Variants in GPN2 observed in about 807,000 individuals in gnomAD.
GPN2 encodes GPN-loop GTPase 2, also known as ATP-binding domain 1 family member B.
GPN2 carries 27 observed loss-of-function variants against 30.1 expected under a neutral mutation model. The observed-to-expected ratio is 0.90, with a 90% confidence interval of 0.66 to 1.24. GPN2 has a LOEUF of 1.24. Among genes scored for constraint, GPN2 ranks in the 50% most tolerant of loss-of-function variants. The pLI, the probability that GPN2 is intolerant of heterozygous loss-of-function variation, is 0.00. For synonymous variants in GPN2, 212 were observed against 174.4 expected, an observed-to-expected ratio of 1.22 and a Z score of -1.70; for missense variants, 406 against 405.4, an observed-to-expected ratio of 1.00 and a Z score of -0.01.
At position 26,884,307 on chromosome 1, in the gene GPN2, GA is replaced by G. The variant is rs2081880215; in HGVS notation, c.730-18del. 5 of 1,596,452 alleles carry G rather than the reference GA, an allele frequency of 3.1e-6. No individual in the cohort carries two copies. Among genetic ancestry groups the G allele is most frequent in the Non-Finnish European group, 8.5e-7 (1 of 1,175,180 alleles). On this transcript the variant is annotated intron_variant, in intron 3 of 4. Transcript: ENST00000374135. The stretch of plus-strand genomic sequence containing the variant: ...CTCCTTGTCCTGAGCAGGGAGGAGA[GA>G]AACAGTTCTGTGAGTGAAACAGAAG...
chr1:26,889,950 G>A lies in GPN2; in HGVS notation c.147C>T (p.Asn49=). The change falls in exon 1 of 5, where the codon AAC becomes AAT. Residue 49 remains asparagine, a synonymous_variant. Transcript: ENST00000374135. The stretch of plus-strand genomic sequence containing the variant: ...CGGCACACTCGTACGGCAGCCCCTC[G>A]TTGGCCGGGTCCAGGTTCACCACCG... ...RVAVVNLDPA[N]EGLPYECAVD... 6.2e-7 allele frequency: 1 copy of A among 1,607,398 alleles called. No homozygotes were observed. Among genetic ancestry groups the A allele is most frequent in the Non-Finnish European group, 8.5e-7 (1 of 1,179,236 alleles).
intron 1 of GPN2, among the ~76,000 whole-genome samples, 156 bp from the exon 2 acceptor site, chr1:26,889,281 A>G (rs566258313): frequency 6.6e-6 from 1 of 152,250 alleles, no homozygotes; most frequent in East Asian, 1.9e-4. Context: ...TCTCCCAGGA[A>G]ATAGGAGTCA....
intron 1 of GPN2, 96 bp downstream of exon 1, chr1:26,889,590 G>T: frequency 8.1e-7 from 1 of 1,236,522 alleles, no homozygotes; most frequent in Non-Finnish European, 1.1e-6. Context: ...AAGCGACCCA[G>T]CCCCTACCTC....
At position 26,879,528 on chromosome 1, in the gene GPN2, C is replaced by T; in HGVS notation, c.*149G>A. On this transcript the variant is annotated 3_prime_UTR_variant, in exon 5 of 5. Coordinates refer to ENST00000374135, the MANE Select transcript of GPN2 (RefSeq NM_018066.4). ...TTGGCACCATGTCTGGCTTTTTGGC[C>T]AGAAGTCCTTTGCAGAGCTGAATAT... is the stretch of plus-strand genomic sequence containing the variant. 1.5e-6 allele frequency: 1 copy of T among 646,520 alleles called. No individual in the cohort carries two copies. The highest frequency in any genetic ancestry group is 2.8e-6 in the Non-Finnish European group (1 of 353,406). 40.0% of individuals were successfully genotyped at this position (646,520 alleles called of 1,614,324 possible).
chr1:26,884,087 T>C, intron 4 of GPN2, 73 bp downstream of exon 4: 1 of 1,215,334 alleles, frequency 8.2e-7, no homozygotes, highest in Non-Finnish European at 1.2e-6. Flanking sequence ...GGTTGATGAC[T>C]GCACCTCCTG....
In GPN2 at chr1:26,879,489, G is replaced by C. The variant is rs1452130396; in HGVS notation, c.*188C>G. On this transcript the variant is annotated 3_prime_UTR_variant, in exon 5 of 5. Transcript: ENST00000374135. The stretch of plus-strand genomic sequence containing the variant: ...AGCTCACGGACACCACTGACAGTAT[G>C]GGGGGTGTTCTGCTTGGCACCATGT... 3 of 604,964 alleles carry C rather than the reference G, an allele frequency of 5.0e-6. No individual in the cohort carries two copies. Among genetic ancestry groups the C allele is most frequent in the Non-Finnish European group, 9.0e-6 (3 of 331,820 alleles). The allele number at this position is 604,964 out of a possible 1,614,324, so 37.5% of individuals were successfully genotyped here.
chr1:26,887,928 G>A (rs541625307), intron 2 of GPN2, among the ~76,000 whole-genome samples: 5 of 149,886 alleles, frequency 3.3e-5, no homozygotes, highest in African/African-American at 9.8e-5. Flanking sequence ...GCGAGATCTC[G>A]GCTCACTACA....
In GPN2 at chr1:26,889,133, G is replaced by A. The variant is rs751549560; in HGVS notation, c.412-8C>T. On this transcript the variant is annotated splice_polypyrimidine_tract_variant and splice_region_variant and intron_variant, in intron 1 of 4. Transcript: ENST00000374135. ...GAGGTGGACGGCAGTCAGCTGGGAG[G>A]GAATAGACAGGGTGAGAGTGGCCTG... 8 of 1,611,574 alleles carry A rather than the reference G, an allele frequency of 5.0e-6. No homozygotes were observed. In the South Asian group the frequency reaches 7.7e-5, roughly 15 times the overall value.
Position 26,889,820 on chromosome 1 carries a change from C to T in GPN2, c.277G>A (p.Asp93Asn). 1 of 1,613,826 alleles carries T rather than the reference C, an allele frequency of 6.2e-7. No homozygotes were observed. Among genetic ancestry groups the T allele is most frequent in the Non-Finnish European group, 8.5e-7 (1 of 1,180,012 alleles). ...GGGTCGAGCTTGGCACGCAGCCAGT[C>T]CAGGTTGGCTTCCAGGTACTCCATG... ...YCMEYLEANLDWLRAKLDPLR... is the reference protein window; with the variant it reads ...YCMEYLEANLNWLRAKLDPLR... The change falls in exon 1 of 5, where the codon GAC becomes AAC. Residue 93 changes from aspartate to asparagine, a missense_variant. Transcript: ENST00000374135.
At chr1:26,885,179 C>T (rs1159782388) in intron 3 of GPN2, among the ~76,000 whole-genome samples, 1 of 152,156 alleles carries the variant, frequency 6.6e-6, no homozygotes, top group Non-Finnish European at 1.5e-5. Flanking sequence ...CTCCTCATAT[C>T]AGAAGAGTGT....
chr1:26,884,307 G>T lies in GPN2; in HGVS notation c.730-17C>A, dbSNP rs771176093. ...CTCCTTGTCCTGAGCAGGGAGGAGA[G>T]AAACAGTTCTGTGAGTGAAACAGAA... is the stretch of plus-strand genomic sequence containing the variant. On this transcript the variant is annotated splice_polypyrimidine_tract_variant and intron_variant, in intron 3 of 4. Coordinates refer to ENST00000374135, the MANE Select transcript of GPN2 (RefSeq NM_018066.4). 2 of 1,596,570 alleles carry T rather than the reference G, an allele frequency of 1.3e-6. No individual in the cohort carries two copies. The highest frequency in any genetic ancestry group is 1.7e-6 in the Non-Finnish European group (2 of 1,175,172).
In GPN2 at chr1:26,883,923, C is replaced by T. The variant is rs1241713783; in HGVS notation, c.860+237G>A. On this transcript the variant is annotated intron_variant, in intron 4 of 4. Transcript: ENST00000374135. ...GGCGTGGTGGTGGGTGGCTGTAGTC[C>T]CAGCTACTCAGGAGGCTGGGGCAGG... Among the ~76,000 whole-genome samples, 3 of 151,808 alleles carry T rather than the reference C, an allele frequency of 2.0e-5. No homozygotes were observed. The East Asian group carries it at 5.8e-4, about 29-fold the overall frequency.
At chr1:26,885,108 T>C (rs2081883815) in intron 3 of GPN2, among the ~76,000 whole-genome samples, 1 of 152,174 alleles carries the variant, frequency 6.6e-6, no homozygotes, top group Admixed American at 6.5e-5. Context: ...CTTAGCACAG[T>C]GCCCAGCACA....
chr1:26,884,128 C>A, intron 4 of GPN2, 32 bp downstream of exon 4: 2 of 1,598,174 alleles, frequency 1.3e-6, no homozygotes, highest in South Asian at 1.1e-5. Flanking sequence ...GTCTCACCCT[C>A]TCTGCTATGG....
intron 4 of GPN2, among the ~76,000 whole-genome samples, chr1:26,881,828 C>G (rs776090333): frequency 6.6e-6 from 1 of 152,090 alleles, no homozygotes; most frequent in Non-Finnish European, 1.5e-5. Flanking sequence ...GGGAGGGTAA[C>G]GAGCCCAGGA....
intron 2 of GPN2, chr1:26,886,473 T>C (rs1270535390): frequency 2.2e-6 from 1 of 457,282 alleles, no homozygotes; most frequent in Admixed American, 2.4e-5. Context: ...AGGTGGGTGA[T>C]TACCTGAGGT....
At position 26,890,052 on chromosome 1, in the gene GPN2, G is replaced by C. The variant is rs368664469; in HGVS notation, c.45C>G (p.Ile15Met). The C allele has an allele frequency of 6.3e-7, 1 of 1,581,220 alleles. No individual in the cohort carries two copies. The highest frequency in any genetic ancestry group is 8.6e-7 in the Non-Finnish European group (1 of 1,169,254). ...TGGTCTTCCCTGAGCCCGGCGGGCC[G>C]ATCACCGCCTGCCCGAAGGCCGTGG... Reference protein sequence around the residue: ...APTTAFGQAVIGPPGSGKTTY... With the variant: ...APTTAFGQAVMGPPGSGKTTY... The change falls in exon 1 of 5, where the codon ATC becomes ATG. Residue 15 changes from isoleucine to methionine, a missense_variant. Coordinates refer to ENST00000374135, the MANE Select transcript of GPN2 (RefSeq NM_018066.4).
In GPN2 at chr1:26,876,609, T is replaced by C. The variant is rs1443656408; in HGVS notation, c.*3068A>G. On this transcript the variant is annotated 3_prime_UTR_variant, in exon 5 of 5. Coordinates refer to ENST00000374135, the MANE Select transcript of GPN2 (RefSeq NM_018066.4). ...GATGACTGCCACATGCCAGCCATAA[T>C]GGAGGATGGTCTTTCTTCTACCCTA... 6.6e-6 allele frequency: 1 copy of C among 152,216 alleles called. No individual in the cohort carries two copies. The highest frequency in any genetic ancestry group is 6.5e-5 in the Admixed American group (1 of 15,268). The allele number at this position is 152,216 out of a possible 1,614,324, so 9.4% of individuals were successfully genotyped here.
intron 1 of GPN2, among the ~76,000 whole-genome samples, chr1:26,889,451 C>T (rs1363574208): frequency 6.6e-6 from 1 of 152,212 alleles, no homozygotes; most frequent in Non-Finnish European, 1.5e-5. Flanking sequence ...CTTCCAAAAT[C>T]GCCAAGTTGG....
Sources: allele counts gnomAD v4.1 joint callset (sites outside exome capture counted in the v4.1 genomes callset), GRCh38; gene constraint gnomAD v4.1.1; transcripts MANE v1.5; gene names NCBI Gene and HGNC (gene_info 2026-07-23, HGNC 2026-07-21).